DDX39B: variants seen among roughly 807,000 people sequenced by gnomAD.
DDX39B encodes spliceosome RNA helicase DDX39B.
A neutral mutation model predicts 46.4 loss-of-function variants in DDX39B; 6 were observed. The ratio of observed to expected loss-of-function variants is 0.13; its 90% CI spans 0.07 to 0.26. The LOEUF (loss-of-function observed/expected upper bound fraction) is 0.26. DDX39B is among the 10% of genes least tolerant of loss of function. The probability of loss-of-function intolerance (pLI) is 1.00; values close to 1 mark genes in which losing one functional copy is unlikely to be tolerated. For missense variants in DDX39B, 185 were observed against 553.4 expected (o/e 0.33, Z 6.68); for synonymous variants, 174 against 199.4 (o/e 0.87, Z 1.07).
At chr6:31,532,013 T>A (rs752877774) in intron 7 of DDX39B, among the ~76,000 whole-genome samples, 1 of 152,128 alleles carries the variant, frequency 6.6e-6, no homozygotes, top group Non-Finnish European at 1.5e-5. Flanking sequence ...TTACTATTTG[T>A]AGAGACGGGC....
intron 1 of DDX39B, 40 bp downstream of exon 1, chr6:31,541,910 G>C (rs1768526962): frequency 3.1e-6 from 2 of 638,422 alleles, no homozygotes; most frequent in East Asian, 2.7e-5. Flanking sequence ...GTGCGGAGAA[G>C]CGCAGATGGA....
At position 31,531,230 on chromosome 6, in the gene DDX39B, G is replaced by A; in HGVS notation, c.978-33C>T. The A allele has an allele frequency of 6.2e-7, 1 of 1,614,068 alleles. No homozygotes were observed. On this transcript the variant is annotated intron_variant, in intron 8 of 10. Transcript: ENST00000396172. The surrounding 1 kb of genome is among the most constrained non-coding windows in gnomAD (Gnocchi z 5.8). ...AGAAAGGAAATTTAAAACATGTTGAGATTCCCTTCTCTCAACTGTCTTTTT... is the reference window on the plus strand; with the variant it reads ...AGAAAGGAAATTTAAAACATGTTGAAATTCCCTTCTCTCAACTGTCTTTTT...
chr6:31,540,931 C>A (rs1258551451), intron 1 of DDX39B: 4 of 408,368 alleles, frequency 9.8e-6, no homozygotes, highest in Non-Finnish European at 1.4e-5. Context: ...CTTATAAATT[C>A]TTGATCTGAA....
chr6:31,531,940 C>G lies in DDX39B; in HGVS notation c.868-535G>C, dbSNP rs1767213070. 6.6e-6 allele frequency among the ~76,000 whole-genome samples: 1 copy of G among 152,184 alleles called. No individual in the cohort carries two copies. The highest frequency in any genetic ancestry group is 1.5e-5 in the Non-Finnish European group (1 of 68,038). ...TTAAGAGATCCTTCCACCTCAGCAT[C>G]CCAAGCAGCTGGGACCACAGGTGCA... On this transcript the variant is annotated intron_variant, in intron 7 of 10. Coordinates refer to ENST00000396172, the MANE Select transcript of DDX39B (RefSeq NM_004640.7). The surrounding 1 kb of genome is among the most constrained non-coding windows in gnomAD (Gnocchi z 5.8).
In DDX39B at chr6:31,541,988, CGAA is replaced by C. The variant is rs879652821; in HGVS notation, c.-174_-172del. ...GCGCGTATGGCGGCAGCAACAGCGA[CGAA>C]GGAGGGAAATCTGCCTTCACTTCCG... On this transcript the variant is annotated 5_prime_UTR_variant, in exon 1 of 11. Transcript: ENST00000396172. The C allele has an allele frequency of 1.8e-5, 12 of 677,578 alleles. No homozygotes were observed. Among genetic ancestry groups the C allele is most frequent in the Middle Eastern group, 3.1e-4 (1 of 3,222 alleles). The allele number at this position is 677,578 out of a possible 1,614,324, so 42.0% of individuals were successfully genotyped here.
In DDX39B at chr6:31,541,988, C is replaced by G. The variant is rs771133085; in HGVS notation, c.-171G>C. 2 of 677,696 alleles carry G rather than the reference C, an allele frequency of 3.0e-6. No individual in the cohort carries two copies. Among genetic ancestry groups the G allele is most frequent in the South Asian group, 3.0e-5 (2 of 66,822 alleles). 42.0% of individuals were successfully genotyped at this position (677,696 alleles called of 1,614,324 possible). On this transcript the variant is annotated 5_prime_UTR_variant, in exon 1 of 11. Transcript: ENST00000396172. ...GCGCGTATGGCGGCAGCAACAGCGA[C>G]GAAGGAGGGAAATCTGCCTTCACTT...
At chr6:31,538,950 A>G (rs913740038) in intron 3 of DDX39B, 95 bp from the exon 4 acceptor site, 9 of 1,483,104 alleles carry the variant, frequency 6.1e-6, no homozygotes, top group Non-Finnish European at 8.5e-6. Context: ...CTGGGCCGAT[A>G]ATAAATGACT....
rs532928217 is a variant in DDX39B, at chr6:31,541,712, A to G, written c.-133+238T>C. 224 of 567,434 alleles carry G rather than the reference A, an allele frequency of 3.9e-4. 3 individuals carry two copies. The highest frequency in any genetic ancestry group is 3.1e-3 in the South Asian group (205 of 65,430). 35.1% of individuals were successfully genotyped at this position (567,434 alleles called of 1,614,324 possible). A position where few individuals can be genotyped will look rare whatever the true frequency, so the allele number is the denominator to read the frequency against. On this transcript the variant is annotated intron_variant, in intron 1 of 10. Coordinates refer to ENST00000396172, the MANE Select transcript of DDX39B (RefSeq NM_004640.7). The stretch of plus-strand genomic sequence containing the variant: ...TGAGAAGAACCCATTGGAAGAAGGG[A>G]GCAAAACGAACACAATGGCGCCGAG...
rs1019092028 is a variant in DDX39B at position 31,535,890 on chromosome 6, A to C, written c.617-405T>G. On this transcript the variant is annotated intron_variant, in intron 5 of 10. Transcript: ENST00000396172. This position sits in a 1 kb window ranked among gnomAD's most constrained non-coding sequence, Gnocchi z 4.6. Reference sequence around the variant, plus strand: ...ATTACTTTTCTATCAAGTCAGGCAAATATGACATCCCTACCTGGAGCCCAC... The same window carrying C: ...ATTACTTTTCTATCAAGTCAGGCAACTATGACATCCCTACCTGGAGCCCAC... 1.3e-5 allele frequency among the ~76,000 whole-genome samples: 2 copies of C among 152,192 alleles called. No homozygotes were observed. The highest frequency in any genetic ancestry group is 2.9e-5 in the Non-Finnish European group (2 of 68,024).
At chr6:31,541,877 C>T in intron 1 of DDX39B, 73 bp downstream of exon 1, 1 of 635,764 alleles carries the variant, frequency 1.6e-6, no homozygotes. Flanking sequence ...AAAAGGGTAT[C>T]AGGAACCCAT....
chr6:31,531,376 C>T lies in DDX39B; in HGVS notation c.897G>A (p.Arg299=). 1 of 1,614,122 alleles carries T rather than the reference C, an allele frequency of 6.2e-7. No individual in the cohort carries two copies. Among genetic ancestry groups the T allele is most frequent in the African/African-American group, 1.3e-5 (1 of 75,014 alleles). Residue 299 remains arginine, a synonymous_variant, in exon 8 of 11, where the codon CGG becomes CGA. Transcript: ENST00000396172. The surrounding 1 kb of genome is among the most constrained non-coding windows in gnomAD (Gnocchi z 5.8). Reference sequence around the variant, plus strand: ...CTAGTAGCTGGGCCAAGGCAATGCACCGCTGCACAGACTTCACAAAGATCA... The same window carrying T: ...CTAGTAGCTGGGCCAAGGCAATGCATCGCTGCACAGACTTCACAAAGATCA... ...QVVIFVKSVQ[R]CIALAQLLVE...
chr6:31,540,296 C>T (rs1192249116), intron 2 of DDX39B, 26 bp downstream of exon 2: 34 of 1,610,424 alleles, frequency 2.1e-5, no homozygotes, highest in Non-Finnish European at 2.8e-5. Context: ...GCCCAATGAG[C>T]ACTACATGCC....
Position 31,534,824 on chromosome 6 carries a change from T to A in DDX39B, c.735+543A>T, listed in dbSNP as rs1767600179. 3.6e-6 allele frequency: 1 copy of A among 280,682 alleles called. No homozygotes were observed. The highest frequency in any genetic ancestry group is 9.0e-5 in the East Asian group (1 of 11,140). 17.4% of individuals were successfully genotyped at this position (280,682 alleles called of 1,614,324 possible). ...GATGTGGGTGGGAAGGAGTAGGGTA[T>A]CGGGGATTGAGGTGCCAAAGGCCCC... On this transcript the variant is annotated intron_variant, in intron 6 of 10. Transcript: ENST00000396172. The surrounding 1 kb of genome is among the most constrained non-coding windows in gnomAD (Gnocchi z 5.1).
In DDX39B at chr6:31,539,373, A is replaced by G. The variant is rs1385768252; in HGVS notation, c.212-99T>C. On this transcript the variant is annotated intron_variant, in intron 2 of 10. Transcript: ENST00000396172. ...GCCCATTTCTTACCACTCAATTCTCAAAGTCTAGTATTTACCTGGTTCTTG... is the reference window on the plus strand; with the variant it reads ...GCCCATTTCTTACCACTCAATTCTCGAAGTCTAGTATTTACCTGGTTCTTG... The G allele has an allele frequency of 2.0e-6, 3 of 1,521,868 alleles. No homozygotes were observed. In the African/African-American group the frequency reaches 4.1e-5, roughly 21 times the overall value. 94.3% of individuals were successfully genotyped at this position (1,521,868 alleles called of 1,614,324 possible).
chr6:31,531,330 T>C lies in DDX39B; in HGVS notation c.943A>G (p.Ile315Val). The change falls in exon 8 of 11, where the codon ATT (isoleucine) becomes GTT (valine). Residue 315 changes from isoleucine to valine, a missense_variant. Ile to Val is a conservative substitution (Grantham distance 29). Transcript: ENST00000396172. The surrounding 1 kb of genome is among the most constrained non-coding windows in gnomAD (Gnocchi z 5.8). ...TGGGGCATCCCACGGTGGATGGCAA[T>C]GGCTGGGAAGTTCTGCTCCACTAGT... ...QLLVEQNFPA[I>V]AIHRGMPQEE... 1 of 1,613,996 alleles carries C rather than the reference T, an allele frequency of 6.2e-7. No individual in the cohort carries two copies. The highest frequency in any genetic ancestry group is 1.1e-5 in the South Asian group (1 of 91,078).
At chr6:31,532,567 T>C (rs937048765) in intron 7 of DDX39B, 2 of 531,950 alleles carry the variant, frequency 3.8e-6, no homozygotes, top group Middle Eastern at 5.3e-4. Context: ...AAGTTTATTT[T>C]CCTTGAGGTT....
chr6:31,533,179 C>A, intron 6 of DDX39B: 1 of 380,920 alleles, frequency 2.6e-6, no homozygotes, highest in Non-Finnish European at 5.0e-6. Flanking sequence ...AGTCAAGGAG[C>A]AGTGAAACCA....
Position 31,539,290 on chromosome 6 carries a change from G to C in DDX39B, c.212-16C>G. 6.2e-7 allele frequency: 1 copy of C among 1,606,444 alleles called. No homozygotes were observed. Among genetic ancestry groups the C allele is most frequent in the African/African-American group, 1.3e-5 (1 of 74,876 alleles). On this transcript the variant is annotated splice_polypyrimidine_tract_variant and intron_variant, in intron 2 of 10. Coordinates refer to ENST00000396172, the MANE Select transcript of DDX39B (RefSeq NM_004640.7). ...TCATGCTGGACTAAAAGTTGGGGGGGGAGGAAGATAAATTAGACTTCAGTC... is the reference window on the plus strand; with the variant it reads ...TCATGCTGGACTAAAAGTTGGGGGGCGAGGAAGATAAATTAGACTTCAGTC...
At position 31,535,989 on chromosome 6, in the gene DDX39B, T is replaced by C. The variant is rs1767738801; in HGVS notation, c.617-504A>G. 6.6e-6 allele frequency among the ~76,000 whole-genome samples: 1 copy of C among 152,194 alleles called. No individual in the cohort carries two copies. Among genetic ancestry groups the C allele is most frequent in the Non-Finnish European group, 1.5e-5 (1 of 68,030 alleles). ...ATGGGGCCTATGTCCAACCCCACTCTCATTCACCAAGATTCAATTCTTACA... is the reference window on the plus strand; with the variant it reads ...ATGGGGCCTATGTCCAACCCCACTCCCATTCACCAAGATTCAATTCTTACA... On this transcript the variant is annotated intron_variant, in intron 5 of 10. Coordinates refer to ENST00000396172, the MANE Select transcript of DDX39B (RefSeq NM_004640.7). This position sits in a 1 kb window ranked among gnomAD's most constrained non-coding sequence, Gnocchi z 4.6.
Sources: allele counts gnomAD v4.1 joint callset (sites outside exome capture counted in the v4.1 genomes callset), GRCh38; gene constraint gnomAD v4.1.1; non-coding constraint Gnocchi (gnomAD v3.1); transcripts MANE v1.5; gene names NCBI Gene and HGNC (gene_info 2026-07-23, HGNC 2026-07-21).